FBXW7: variants seen among roughly 807,000 people sequenced by gnomAD.
FBXW7 encodes the protein F-box and WD repeat domain containing 7, also known as F-box/WD repeat-containing protein 7.
A neutral mutation model predicts 86.3 loss-of-function variants in FBXW7; 11 were observed. The ratio of observed to expected loss-of-function variants is 0.13; its 90% CI spans 0.08 to 0.21. The LOEUF is 0.21. Ranked by LOEUF, FBXW7 falls within the 10% of genes least tolerant of loss-of-function variation. The probability of loss-of-function intolerance (pLI) is 1.00; values close to 1 mark genes in which losing one functional copy is unlikely to be tolerated. For synonymous variants in FBXW7, 313 were observed against 297.9 expected, an observed-to-expected ratio of 1.05 and a Z score of -0.52; for missense variants, 488 against 847.4, an observed-to-expected ratio of 0.58 and a Z score of 5.27.
chr4:152,436,433 T>C (rs1451358853), intron 2 of FBXW7, among the ~76,000 whole-genome samples: 1 of 152,214 alleles, frequency 6.6e-6, no homozygotes, highest in Non-Finnish European at 1.5e-5. Flanking sequence ...AGAAGCTGTC[T>C]TGATAACATA....
intron 2 of FBXW7, among the ~76,000 whole-genome samples, chr4:152,501,644 C>A (rs1746958751): frequency 6.6e-6 from 1 of 152,140 alleles, no homozygotes. Context: ...TTTCCACAAT[C>A]CATGTCAACT....
intron 2 of FBXW7, among the ~76,000 whole-genome samples, chr4:152,426,548 A>G (rs904802586): frequency 6.6e-6 from 1 of 152,044 alleles, no homozygotes; most frequent in African/African-American, 2.4e-5. Flanking sequence ...CAGGAGTGTC[A>G]CCATATTGGT....
intron 2 of FBXW7, among the ~76,000 whole-genome samples, chr4:152,431,679 C>A (rs1186251503): frequency 6.6e-6 from 1 of 151,992 alleles, no homozygotes; most frequent in African/African-American, 2.4e-5. Context: ...TCCCAGGAAC[C>A]CAGAGAAGAG....
chr4:152,404,786 G>A (rs555911543), intron 4 of FBXW7, among the ~76,000 whole-genome samples: 53 of 152,138 alleles, frequency 3.5e-4, no homozygotes, highest in Non-Finnish European at 7.1e-4. Flanking sequence ...GTCTAGCTTA[G>A]GTACATCTTA....
At chr4:152,483,789 TCA>T (rs1378111134) in intron 2 of FBXW7, among the ~76,000 whole-genome samples, 1 of 151,960 alleles carries the variant, frequency 6.6e-6, no homozygotes, top group Non-Finnish European at 1.5e-5. Flanking sequence ...AATTTCCTTC[TCA>T]GTTTTTATTT....
chr4:152,363,856 T>C lies in FBXW7; in HGVS notation c.502-13732A>G, dbSNP rs193077411. 7.7e-3 allele frequency among the ~76,000 whole-genome samples: 1,167 copies of C among 152,188 alleles called. 10 individuals are homozygous for C. Among genetic ancestry groups the C allele is most frequent in the Non-Finnish European group, 0.012 (801 of 68,002 alleles). On this transcript the variant is annotated intron_variant, in intron 4 of 13. Coordinates refer to ENST00000281708, the MANE Select transcript of FBXW7 (RefSeq NM_001349798.2). Reference sequence around the variant, plus strand: ...TAAGCGACCCCAAGGTCACTTAAGGTAGATGGGATTTGAACCTAAGGAAGT... The same window carrying C: ...TAAGCGACCCCAAGGTCACTTAAGGCAGATGGGATTTGAACCTAAGGAAGT...
chr4:152,492,519 G>A (rs1418706640), intron 2 of FBXW7, among the ~76,000 whole-genome samples: 1 of 152,116 alleles, frequency 6.6e-6, no homozygotes, highest in African/African-American at 2.4e-5. Context: ...GTTCTGGATG[G>A]CTTCCTAGAA....
chr4:152,439,642 G>A (rs922632089), intron 2 of FBXW7, among the ~76,000 whole-genome samples: 5 of 151,964 alleles, frequency 3.3e-5, no homozygotes, highest in African/African-American at 1.2e-4. Flanking sequence ...GAGGCGGGCC[G>A]ATCACGAGGT....
At chr4:152,438,114 C>CA (rs1740551975) in intron 2 of FBXW7, among the ~76,000 whole-genome samples, 1 of 152,064 alleles carries the variant, frequency 6.6e-6, no homozygotes, top group Admixed American at 6.5e-5. Flanking sequence ...GCGGAGGTTA[C>CA]AGCGAGCCAA....
chr4:152,330,928 A>G (rs1729513029), intron 8 of FBXW7, 60 bp from the exon 9 acceptor site: 1 of 1,521,640 alleles, frequency 6.6e-7, no homozygotes, highest in Admixed American at 1.9e-5. Flanking sequence ...TATACATTTT[A>G]TAAAGTATTC....
At chr4:152,345,333 A>G (rs1366543454) in intron 6 of FBXW7, among the ~76,000 whole-genome samples, 1 of 152,214 alleles carries the variant, frequency 6.6e-6, no homozygotes, top group African/African-American at 2.4e-5. Context: ...CCCTGGGGAA[A>G]AGGTAAGTTT....
chr4:152,525,031 G>A (rs1373307200), intron 2 of FBXW7, among the ~76,000 whole-genome samples: 2 of 152,150 alleles, frequency 1.3e-5, no homozygotes, highest in Non-Finnish European at 1.5e-5. Flanking sequence ...ATAAACTAGA[G>A]AGAACATGCT....
In FBXW7 at chr4:152,358,963, A is replaced by G. The variant is rs189039583; in HGVS notation, c.502-8839T>C. ...TACTGATTTCCATTAGATATGTGGT[A>G]GCTCAAGTTAAGCTAAAACACGAGA... On this transcript the variant is annotated intron_variant, in intron 4 of 13. Coordinates refer to ENST00000281708, the MANE Select transcript of FBXW7 (RefSeq NM_001349798.2). 5.2e-3 allele frequency among the ~76,000 whole-genome samples: 790 copies of G among 152,108 alleles called. 6 individuals are homozygous for G. Among genetic ancestry groups the G allele is most frequent in the African/African-American group, 0.018 (737 of 41,560 alleles).
chr4:152,483,833 G>A (rs1745106094), intron 2 of FBXW7, among the ~76,000 whole-genome samples: 1 of 152,084 alleles, frequency 6.6e-6, no homozygotes, highest in African/African-American at 2.4e-5. Context: ...CACTAGAATG[G>A]TGTTTTAATT....
chr4:152,384,673 A>C (rs1735379650), intron 4 of FBXW7, among the ~76,000 whole-genome samples: 1 of 152,050 alleles, frequency 6.6e-6, no homozygotes, highest in Admixed American at 6.6e-5. Context: ...TAAAATATTA[A>C]ATTTCATGTT....
chr4:152,530,705 C>T (rs1352885982), intron 2 of FBXW7: 2 of 152,194 alleles, frequency 1.3e-5, no homozygotes, highest in Non-Finnish European at 2.9e-5. Context: ...ATAGCCAGTC[C>T]TGGCTTTGTA....
At chr4:152,416,921 C>T (rs1164925997) in intron 2 of FBXW7, among the ~76,000 whole-genome samples, 2 of 152,176 alleles carry the variant, frequency 1.3e-5, no homozygotes, top group South Asian at 4.1e-4. Flanking sequence ...AAATTTTAAA[C>T]TGGTTGTTAA....
rs1469332819 is a variant in FBXW7, at chr4:152,381,062, T to C, written c.501+30241A>G. On this transcript the variant is annotated intron_variant, in intron 4 of 13. Transcript: ENST00000281708. ...TGCTGGGGATATTTGTATTCTGTTT[T>C]CGATGTTTAAACTGTATTACATTTT... Among the ~76,000 whole-genome samples, 3 of 152,254 alleles carry C rather than the reference T, an allele frequency of 2.0e-5. No individual in the cohort carries two copies. The South Asian group carries it at 6.2e-4, about 32-fold the overall frequency.
chr4:152,511,878 A>C (rs908778881), intron 2 of FBXW7, among the ~76,000 whole-genome samples: 3 of 152,174 alleles, frequency 2.0e-5, no homozygotes, highest in African/African-American at 7.2e-5. Context: ...TTTTAAGAAT[A>C]AGTAAAAATA....
Sources: allele counts gnomAD v4.1 joint callset (sites outside exome capture counted in the v4.1 genomes callset), GRCh38; gene constraint gnomAD v4.1.1; transcripts MANE v1.5; gene names NCBI Gene and HGNC (gene_info 2026-07-23, HGNC 2026-07-21).